The following ZNF791 variants were observed in gnomAD, a reference collection of about 807,000 sequenced individuals.
The protein encoded by ZNF791 is zinc finger protein 791.
ZNF791 carries 4 observed loss-of-function variants against 11.5 expected under a neutral mutation model. That is an observed-to-expected ratio of 0.35 (90% CI 0.17 to 0.80). The LOEUF (loss-of-function observed/expected upper bound fraction) is 0.80. Ranked by LOEUF, ZNF791 falls within the 30% of genes least tolerant of loss-of-function variation. The probability of loss-of-function intolerance (pLI) is 0.53; values close to 1 mark genes in which losing one functional copy is unlikely to be tolerated. For synonymous variants in ZNF791, 212 were observed against 228.1 expected, an observed-to-expected ratio of 0.93 and a Z score of 0.64; for missense variants, 559 against 699.4, an observed-to-expected ratio of 0.80 and a Z score of 2.26.
At position 12,614,791 on chromosome 19, in the gene ZNF791, T is replaced by A. The variant is rs1429607245; in HGVS notation, c.3+3709T>A. Reference sequence around the variant, plus strand: ...GTATTTTTAGTAGAGATGGGGTTTCTCCATGTTTGTCAGTCTGGTCTTGAG... The same window carrying A: ...GTATTTTTAGTAGAGATGGGGTTTCACCATGTTTGTCAGTCTGGTCTTGAG... On this transcript the variant is annotated intron_variant, in intron 1 of 3. Transcript: ENST00000343325. 5.3e-5 allele frequency among the ~76,000 whole-genome samples: 8 copies of A among 150,304 alleles called. No individual in the cohort carries two copies. In the East Asian group the frequency reaches 7.9e-4, roughly 15 times the overall value.
intron 3 of ZNF791, among the ~76,000 whole-genome samples, chr19:12,625,840 T>TTTTG (rs1321676835): frequency 6.7e-6 from 1 of 149,036 alleles, no homozygotes; most frequent in Non-Finnish European, 1.5e-5. Context: ...TTGGGAACAG[T>TTTTG]TTTGTTTGTT....
chr19:12,627,282 T>C (rs2023444470), intron 3 of ZNF791, among the ~76,000 whole-genome samples: 1 of 152,154 alleles, frequency 6.6e-6, no homozygotes. Context: ...GTATATTCGT[T>C]TTTAAACAAG....
chr19:12,623,835 G>A lies in ZNF791; in HGVS notation c.130+9G>A, dbSNP rs148997156. ...GAACCTGGCATCTATAGGTAAGGAT[G>A]ACATCATTTTTTCTTTTTTCTTTTT... On this transcript the variant is annotated intron_variant, in intron 2 of 3. Transcript: ENST00000343325. 1.3e-4 allele frequency: 165 copies of A among 1,268,814 alleles called. No individual in the cohort carries two copies. The East Asian group carries it at 3.8e-3, about 30-fold the overall frequency. 78.6% of individuals were successfully genotyped at this position (1,268,814 alleles called of 1,614,324 possible).
chr19:12,622,691 A>T (rs573110080), intron 1 of ZNF791, among the ~76,000 whole-genome samples: 1 of 152,030 alleles, frequency 6.6e-6, no homozygotes, highest in Non-Finnish European at 1.5e-5. Flanking sequence ...TCGGGAGTTC[A>T]AGACCAGCCT....
At chr19:12,612,562 C>T (rs2023175453) in intron 1 of ZNF791, among the ~76,000 whole-genome samples, 1 of 150,676 alleles carries the variant, frequency 6.6e-6, no homozygotes, top group South Asian at 2.1e-4. Flanking sequence ...CTGCCTCAAC[C>T]TCCCAAGTAG....
intron 1 of ZNF791, among the ~76,000 whole-genome samples, chr19:12,617,198 T>G (rs1340268690): frequency 6.6e-6 from 1 of 151,130 alleles, no homozygotes; most frequent in African/African-American, 2.4e-5. Context: ...CAGTCTTGGC[T>G]CACTGCATCC....
intron 1 of ZNF791, chr19:12,612,438 A>T (rs370384642): frequency 7.3e-6 from 1 of 137,570 alleles, no homozygotes. Context: ...TTATTTATTT[A>T]TTATTTATTT....
rs2023470506 is a variant in ZNF791 at position 12,629,283 on chromosome 19, A to T, written c.*23A>T. The T allele has an allele frequency of 7.1e-7, 1 of 1,416,212 alleles. No homozygotes were observed. Among genetic ancestry groups the T allele is most frequent in the African/African-American group, 1.4e-5 (1 of 69,454 alleles). 87.7% of individuals were successfully genotyped at this position (1,416,212 alleles called of 1,614,324 possible). A position where few individuals can be genotyped will look rare whatever the true frequency, so the allele number is the denominator to read the frequency against. On this transcript the variant is annotated 3_prime_UTR_variant, in exon 4 of 4. Coordinates refer to ENST00000343325, the MANE Select transcript of ZNF791 (RefSeq NM_153358.3). The stretch of plus-strand genomic sequence containing the variant: ...TAGAAACTCTATAAATGTGAGAAAT[A>T]GGAGAAAGTTTTCAATTCTAACAGA...
intron 1 of ZNF791, among the ~76,000 whole-genome samples, chr19:12,622,386 ATAAT>A (rs1381948874): frequency 1.6e-3 from 194 of 124,152 alleles, no homozygotes; most frequent in Non-Finnish European, 2.5e-3. Context: ...AATAAAAAAA[ATAAT>A]AAAAAAAAGA....
chr19:12,615,380 A>G (rs1309073786), intron 1 of ZNF791, among the ~76,000 whole-genome samples: 5 of 152,152 alleles, frequency 3.3e-5, no homozygotes, highest in Non-Finnish European at 7.3e-5. Context: ...TTCAGGATAT[A>G]GCCTTCACAG....
Position 12,628,396 on chromosome 19 carries a change from A to C in ZNF791, c.867A>C (p.Val289=). Residue 289 remains valine, a synonymous_variant, in exon 4 of 4, where the codon GTA becomes GTC. Coordinates refer to ENST00000343325, the MANE Select transcript of ZNF791 (RefSeq NM_153358.3). The part of the protein sequence containing the change: ...KAFIFPSFLR[V]HERIHTGEKP... ...TCATTTTTCCCAGTTTTTTACGAGT[A>C]CATGAAAGAATTCACACTGGAGAGA... 1 of 1,608,470 alleles carries C rather than the reference A, an allele frequency of 6.2e-7. No individual in the cohort carries two copies. The highest frequency in any genetic ancestry group is 8.5e-7 in the Non-Finnish European group (1 of 1,177,130).
chr19:12,623,787 G>A lies in ZNF791; in HGVS notation c.91G>A (p.Asp31Asn). 3.8e-6 allele frequency: 6 copies of A among 1,594,494 alleles called. 1 individual carries two copies. Among genetic ancestry groups the A allele is most frequent in the South Asian group, 3.3e-5 (3 of 90,158 alleles). The change falls in exon 2 of 4, where the codon GAT (aspartate) becomes AAT (asparagine). Residue 31 changes from aspartate to asparagine, a missense_variant. Physicochemically the swap from Asp to Asn is conservative, Grantham distance 23. Coordinates refer to ENST00000343325, the MANE Select transcript of ZNF791 (RefSeq NM_153358.3). ...LAPSQKKLYR[D>N]VMQETFKNLA... is the part of the protein sequence containing the mutation. ...TCCTTCACAGAAGAAACTCTACAGA[G>A]ATGTGATGCAGGAAACATTCAAGAA...
In ZNF791 at chr19:12,610,938, T is replaced by C. The variant is rs911035689; in HGVS notation, c.-142T>C. ...GCTGCGCAAATGCGTGCTACGTCAC[T>C]GTGCGATCGGGTTGTGCTTAGCTTG... On this transcript the variant is annotated 5_prime_UTR_variant, in exon 1 of 4. Coordinates refer to ENST00000343325, the MANE Select transcript of ZNF791 (RefSeq NM_153358.3). 5.1e-6 allele frequency: 6 copies of C among 1,180,442 alleles called. No individual in the cohort carries two copies. In the African/African-American group the frequency reaches 9.0e-5, roughly 18 times the overall value. The allele number at this position is 1,180,442 out of a possible 1,614,324, so 73.1% of individuals were successfully genotyped here. A position where few individuals can be genotyped will look rare whatever the true frequency, so the allele number is the denominator to read the frequency against.
At position 12,628,135 on chromosome 19, in the gene ZNF791, G is replaced by T. The variant is rs755194219; in HGVS notation, c.606G>T (p.Ser202=). The T allele has an allele frequency of 1.2e-6, 2 of 1,613,914 alleles. No individual in the cohort carries two copies. The highest frequency in any genetic ancestry group is 2.7e-5 in the African/African-American group (2 of 74,896). ...QCGKALSCSS[S]LRVHERIHTG... ...GAAAAGCTCTTAGTTGTTCCAGTTC[G>T]CTTCGAGTTCATGAAAGGATTCACA... The change falls in exon 4 of 4, where the codon TCG becomes TCT. Residue 202 remains serine, a synonymous_variant. Transcript: ENST00000343325.
Position 12,610,976 on chromosome 19 carries a change from C to T in ZNF791, c.-104C>T. The T allele has an allele frequency of 5.3e-6, 8 of 1,498,042 alleles. No homozygotes were observed. Among genetic ancestry groups the T allele is most frequent in the East Asian group, 2.3e-5 (1 of 44,306 alleles). The allele number at this position is 1,498,042 out of a possible 1,614,324, so 92.8% of individuals were successfully genotyped here. A position where few individuals can be genotyped will look rare whatever the true frequency, so the allele number is the denominator to read the frequency against. On this transcript the variant is annotated 5_prime_UTR_variant, in exon 1 of 4. Coordinates refer to ENST00000343325, the MANE Select transcript of ZNF791 (RefSeq NM_153358.3). ...TGTGCTTAGCTTGGGGTCTCCTGGC[C>T]CCTTGACGCGTCAGGTTGCTGTACC... is the stretch of plus-strand genomic sequence containing the variant.
rs909749763 is a variant in ZNF791, at chr19:12,633,084, G to C, written c.*3824G>C. 2 of 152,098 alleles carry C rather than the reference G, an allele frequency of 1.3e-5. No individual in the cohort carries two copies. The highest frequency in any genetic ancestry group is 2.9e-5 in the Non-Finnish European group (2 of 68,032). 9.4% of individuals were successfully genotyped at this position (152,098 alleles called of 1,614,324 possible). A position where few individuals can be genotyped will look rare whatever the true frequency, so the allele number is the denominator to read the frequency against. On this transcript the variant is annotated 3_prime_UTR_variant, in exon 4 of 4. Transcript: ENST00000343325. ...CAATCCAGCCTGGGCAGCAGAACGA[G>C]ACTCCATCTCAAATAAATAAATAAA...
Position 12,630,882 on chromosome 19 carries a change from AAAT to A in ZNF791, c.*1625_*1627del, listed in dbSNP as rs2023494897. On this transcript the variant is annotated 3_prime_UTR_variant, in exon 4 of 4. Transcript: ENST00000343325. Reference sequence around the variant, plus strand: ...AGCTAAATTATTACAAAGTTTTTAAAAATAAGTTTATAAAGAAAATAATGTACA... The same window carrying A: ...AGCTAAATTATTACAAAGTTTTTAAAAAGTTTATAAAGAAAATAATGTACA... 6.6e-6 allele frequency: 1 copy of A among 152,234 alleles called. No homozygotes were observed. The highest frequency in any genetic ancestry group is 2.4e-5 in the African/African-American group (1 of 41,452). The allele number at this position is 152,234 out of a possible 1,614,324, so 9.4% of individuals were successfully genotyped here. A position where few individuals can be genotyped will look rare whatever the true frequency, so the allele number is the denominator to read the frequency against.
chr19:12,621,820 C>T (rs2023353578), intron 1 of ZNF791, among the ~76,000 whole-genome samples: 2 of 139,314 alleles, frequency 1.4e-5, no homozygotes, highest in South Asian at 2.2e-4. Flanking sequence ...AGGTGAGGGG[C>T]GCCTCTGCCC....
At position 12,621,489 on chromosome 19, in the gene ZNF791, G is replaced by GATAT. The variant is rs3057758; in HGVS notation, c.4-2202_4-2199dup. Among the ~76,000 whole-genome samples the GATAT allele has an allele frequency of 3.5e-4, 53 of 150,260 alleles. 1 individual carries two copies. Among genetic ancestry groups the GATAT allele is most frequent in the Admixed American group, 2.3e-3 (34 of 15,018 alleles). ...CATGCCTGTAATGCCAACACATAGG[G>GATAT]ATATATATATATCGGAAACAAGTTG... On this transcript the variant is annotated intron_variant, in intron 1 of 3. Coordinates refer to ENST00000343325, the MANE Select transcript of ZNF791 (RefSeq NM_153358.3).
Sources: gnomAD v4.1 joint callset for allele counts (sites outside exome capture counted in the v4.1 genomes callset) on GRCh38, gnomAD v4.1.1 for gene constraint, MANE v1.5 for transcripts, NCBI Gene and HGNC (gene_info 2026-07-23, HGNC 2026-07-21) for gene names.